The following EPB41L1 variants were observed in gnomAD, a reference collection of about 807,000 sequenced individuals.
EPB41L1 encodes erythrocyte membrane protein band 4.1 like 1, also known as band 4.1-like protein 1.
EPB41L1 carries 29 observed loss-of-function variants against 97.8 expected under a neutral mutation model. That is an observed-to-expected ratio of 0.30 (90% confidence interval 0.22 to 0.40). The LOEUF is 0.40. Ranked by LOEUF, EPB41L1 falls within the 10% of genes least tolerant of loss-of-function variation. The pLI, the probability that EPB41L1 is intolerant of heterozygous loss-of-function variation, is 1.00. For synonymous variants in EPB41L1, 383 were observed against 459.2 expected (o/e 0.83, Z 2.12); for missense variants, 812 against 1,162.3 (o/e 0.70, Z 4.38).
chr20:36,208,584 C>T (rs528574042), intron 14 of EPB41L1, among the ~76,000 whole-genome samples: 33 of 152,326 alleles, frequency 2.2e-4, no homozygotes, highest in African/African-American at 6.0e-4. Context: ...AATGGAGGCT[C>T]GCTTAGCAAG....
chr20:36,124,933 G>A (rs2058901430), intron 2 of EPB41L1, among the ~76,000 whole-genome samples: 1 of 152,128 alleles, frequency 6.6e-6, no homozygotes. Context: ...TGGTGGGTAG[G>A]GGAGGCAGCG....
At chr20:36,222,685 GGA>G (rs2147110264) in intron 21 of EPB41L1, among the ~76,000 whole-genome samples, 1 of 152,288 alleles carries the variant, frequency 6.6e-6, no homozygotes, top group South Asian at 2.1e-4. Context: ...GGAGGGAAAT[GGA>G]GAGAGGATTG....
chr20:36,112,183 T>C (rs1182339410), intron 1 of EPB41L1, among the ~76,000 whole-genome samples: 2 of 152,180 alleles, frequency 1.3e-5, no homozygotes, highest in South Asian at 2.1e-4. Context: ...GCTCTTACAA[T>C]AAAGAGCGAA....
chr20:36,157,950 T>C (rs560829672), intron 1 of EPB41L1, among the ~76,000 whole-genome samples: 1 of 152,184 alleles, frequency 6.6e-6, no homozygotes, highest in Non-Finnish European at 1.5e-5. Flanking sequence ...TGGATCAGAA[T>C]AGTAACAGCT....
rs1601173955 is a variant in EPB41L1 at position 36,093,804 on chromosome 20, A to G, written c.-65+2192A>G. Among the ~76,000 whole-genome samples the G allele has an allele frequency of 6.6e-6, 1 of 151,558 alleles. No homozygotes were observed. Among genetic ancestry groups the G allele is most frequent in the African/African-American group, 2.4e-5 (1 of 41,256 alleles). Reference sequence around the variant, plus strand: ...AGGCTGGTGACCAGCCGGTTCAGGGATTCATTTCCTGTTGTGGCCAGGGGA... The same window carrying G: ...AGGCTGGTGACCAGCCGGTTCAGGGGTTCATTTCCTGTTGTGGCCAGGGGA... On this transcript the variant is annotated intron_variant, in intron 1 of 19. Transcript: ENST00000202028. The surrounding 1 kb of genome is among the most constrained non-coding windows in gnomAD (Gnocchi z 5.4).
intron 2 of EPB41L1, among the ~76,000 whole-genome samples, chr20:36,120,342 T>A (rs1046410079): frequency 7.2e-5 from 11 of 152,330 alleles, no homozygotes; most frequent in African/African-American, 2.4e-4. Context: ...CTGAGTCTTA[T>A]CCGCTGGACT....
At chr20:36,125,464 C>T (rs1451887858) in intron 2 of EPB41L1, 2 of 1,076,070 alleles carry the variant, frequency 1.9e-6, no homozygotes, top group Non-Finnish European at 2.8e-6. Context: ...TGGGGAGGAT[C>T]AATGAGGTAG....
At chr20:36,098,725 A>G (rs2057913113) in intron 1 of EPB41L1, among the ~76,000 whole-genome samples, 1 of 152,164 alleles carries the variant, frequency 6.6e-6, no homozygotes, top group Non-Finnish European at 1.5e-5. Flanking sequence ...GGGAGGGGAC[A>G]CTGTTCAACC....
chr20:36,103,272 T>C (rs987238679), intron 1 of EPB41L1, among the ~76,000 whole-genome samples: 1 of 152,238 alleles, frequency 6.6e-6, no homozygotes, highest in Non-Finnish European at 1.5e-5. Flanking sequence ...AGCATGGGGC[T>C]GTGCACAGAA....
Position 36,190,390 on chromosome 20 carries a change from G to A in EPB41L1, c.1124+16G>A. On this transcript the variant is annotated intron_variant, in intron 10 of 21. Coordinates refer to ENST00000338074, the MANE Select transcript of EPB41L1 (RefSeq NM_012156.2). This position sits in a 1 kb window ranked among gnomAD's most constrained non-coding sequence, Gnocchi z 5.8. The stretch of plus-strand genomic sequence containing the variant: ...CATTCTTCCGGTGAGCCTGACCTTG[G>A]ATGGGGTAATGGGGATGGGGCAGAG... 1.9e-6 allele frequency: 3 copies of A among 1,613,048 alleles called. No individual in the cohort carries two copies. The highest frequency in any genetic ancestry group is 1.1e-5 in the South Asian group (1 of 90,824).
chr20:36,215,634 T>C (rs2063397524), intron 17 of EPB41L1, among the ~76,000 whole-genome samples: 1 of 152,212 alleles, frequency 6.6e-6, no homozygotes, highest in East Asian at 1.9e-4. Flanking sequence ...CCACGTGTCA[T>C]TGGGATGCTT....
intron 21 of EPB41L1, among the ~76,000 whole-genome samples, chr20:36,227,005 G>C (rs1461703751): frequency 6.6e-6 from 1 of 152,140 alleles, no homozygotes; most frequent in Non-Finnish European, 1.5e-5. Context: ...TCTTTGAGTA[G>C]TATTCTTTCT....
At chr20:36,111,043 AC>A (rs1416431014) in intron 1 of EPB41L1, among the ~76,000 whole-genome samples, 4 of 152,060 alleles carry the variant, frequency 2.6e-5, no homozygotes, top group African/African-American at 9.7e-5. Context: ...TGGTGCTGCT[AC>A]CTTTTGGACA....
At chr20:36,208,449 T>C (rs1362446734) in intron 14 of EPB41L1, 1 of 348,366 alleles carries the variant, frequency 2.9e-6, no homozygotes, top group East Asian at 9.4e-5. Flanking sequence ...CCAGTCACCT[T>C]CACCCGGCCA....
chr20:36,174,572 CTTT>C (rs761888628), intron 2 of EPB41L1, among the ~76,000 whole-genome samples: 1 of 141,252 alleles, frequency 7.1e-6, no homozygotes, highest in Non-Finnish European at 1.6e-5. Flanking sequence ...CATGCCTGGC[CTTT>C]TTTTTTTTTT....
intron 14 of EPB41L1, among the ~76,000 whole-genome samples, chr20:36,198,370 A>G (rs970286760): frequency 6.6e-6 from 1 of 152,220 alleles, no homozygotes; most frequent in Non-Finnish European, 1.5e-5. Context: ...CTACTGAATC[A>G]GATATTTGGA....
At chr20:36,183,277 A>G (rs375134987) in intron 6 of EPB41L1, among the ~76,000 whole-genome samples, 30 of 152,076 alleles carry the variant, frequency 2.0e-4, no homozygotes, top group Admixed American at 1.8e-3. Context: ...CCTCTCTCCC[A>G]TTGGGTCCCT....
At chr20:36,120,766 A>G (rs957685537) in intron 2 of EPB41L1, among the ~76,000 whole-genome samples, 39 of 152,046 alleles carry the variant, frequency 2.6e-4, no homozygotes, top group African/African-American at 9.4e-4. Flanking sequence ...ACACTGTCCT[A>G]TGTACTGGGA....
At chr20:36,097,351 A>G (rs911173306) in intron 1 of EPB41L1, among the ~76,000 whole-genome samples, 2 of 152,176 alleles carry the variant, frequency 1.3e-5, no homozygotes. Context: ...TCATTTCCTT[A>G]CTTGTAAAAC....
Sources: gnomAD v4.1 joint callset for allele counts (sites outside exome capture counted in the v4.1 genomes callset) on GRCh38, gnomAD v4.1.1 for gene constraint, Gnocchi (gnomAD v3.1) non-coding constraint, MANE v1.5 for transcripts, NCBI Gene and HGNC (gene_info 2026-07-23, HGNC 2026-07-21) for gene names.